Variants in RBFOX1 observed in about 807,000 individuals in gnomAD.
The protein encoded by RBFOX1 is RNA binding fox-1 homolog 1.
RBFOX1 carries 8 observed loss-of-function variants against 57.7 expected under a neutral mutation model. The ratio of observed to expected loss-of-function variants is 0.14; its 90% CI spans 0.08 to 0.25. The LOEUF (loss-of-function observed/expected upper bound fraction) is 0.25. Among genes scored for constraint, RBFOX1 ranks in the 10% least tolerant of loss-of-function variants. The pLI, the probability that RBFOX1 is intolerant of heterozygous loss-of-function variation, is 1.00. For synonymous variants in RBFOX1, 326 were observed against 222.4 expected (o/e 1.47, Z -4.15); for missense variants, 611 against 548.5 (o/e 1.11, Z -1.14).
At position 6,164,073 on chromosome 16, in the gene RBFOX1, C is replaced by A. The variant is rs192439393; in HGVS notation, c.-127+144081C>A. Among the ~76,000 whole-genome samples the A allele has an allele frequency of 5.8e-4, 89 of 152,248 alleles. No homozygotes were observed. The East Asian group carries it at 0.016, about 27-fold the overall frequency. ...AAAATTGCTGATAGAATTTTATTAACTTTAGTCCTCACGCTGTACTCAATG... is the reference window on the plus strand; with the variant it reads ...AAAATTGCTGATAGAATTTTATTAAATTTAGTCCTCACGCTGTACTCAATG... On this transcript the variant is annotated intron_variant, in intron 1 of 15. Transcript: ENST00000550418.
intron 4 of RBFOX1, among the ~76,000 whole-genome samples, chr16:7,114,512 G>A (rs17645509): frequency 0.29 from 44,681 of 152,146 alleles, 7,857 homozygotes; most frequent in Non-Finnish European, 0.39. Context: ...AAAATTAGCA[G>A]TGGAACATGG....
chr16:7,371,699 G>C (rs1283827155), intron 4 of RBFOX1, among the ~76,000 whole-genome samples: 1 of 152,124 alleles, frequency 6.6e-6, no homozygotes, highest in East Asian at 1.9e-4. Context: ...GCAGTGAGCT[G>C]AGATCACGCC....
chr16:6,089,272 A>G (rs1260358412), intron 1 of RBFOX1, among the ~76,000 whole-genome samples: 2 of 152,102 alleles, frequency 1.3e-5, no homozygotes, highest in Non-Finnish European at 2.9e-5. Context: ...GCTTCTTGTA[A>G]TGATTCAGCT....
chr16:6,847,375 A>T (rs1057007702), intron 3 of RBFOX1, among the ~76,000 whole-genome samples: 1 of 151,942 alleles, frequency 6.6e-6, no homozygotes, highest in Non-Finnish European at 1.5e-5. Flanking sequence ...AATCTGCCCT[A>T]TGTGTGCACA....
intron 5 of RBFOX1, among the ~76,000 whole-genome samples, chr16:7,526,806 AAGCAGAAT>A (rs1405394129): frequency 7.2e-5 from 11 of 152,210 alleles, no homozygotes. Context: ...CATGTTACAG[AAGCAGAAT>A]CTAAGGCAAA....
At chr16:7,484,503 C>T (rs751664969) in intron 4 of RBFOX1, among the ~76,000 whole-genome samples, 1 of 152,178 alleles carries the variant, frequency 6.6e-6, no homozygotes. Flanking sequence ...CACTCTGTCA[C>T]CCAGGCTGTA....
intron 3 of RBFOX1, among the ~76,000 whole-genome samples, chr16:5,682,409 G>A (rs919678747): frequency 6.6e-6 from 1 of 152,106 alleles, no homozygotes; most frequent in Non-Finnish European, 1.5e-5. Context: ...GAAAAAGAGG[G>A]TCACTCTACA....
At chr16:7,032,258 C>G (rs936251724) in intron 3 of RBFOX1, among the ~76,000 whole-genome samples, 1 of 151,968 alleles carries the variant, frequency 6.6e-6, no homozygotes, top group African/African-American at 2.4e-5. Context: ...AACCCCATCT[C>G]TACTAAAAAA....
chr16:6,435,960 G>T (rs1019157400), intron 2 of RBFOX1, among the ~76,000 whole-genome samples: 1 of 152,006 alleles, frequency 6.6e-6, no homozygotes, highest in Non-Finnish European at 1.5e-5. Context: ...GCATGTGATG[G>T]TTTTTCATTC....
intron 1 of RBFOX1, among the ~76,000 whole-genome samples, chr16:6,287,437 A>G (rs1165825902): frequency 6.6e-6 from 1 of 152,068 alleles, no homozygotes; most frequent in African/African-American, 2.4e-5. Context: ...TAGCCAATGG[A>G]TGTGTTTTGA....
intron 1 of RBFOX1, among the ~76,000 whole-genome samples, chr16:6,308,809 A>C (rs1319527190): frequency 6.6e-6 from 1 of 152,160 alleles, no homozygotes; most frequent in Non-Finnish European, 1.5e-5. Flanking sequence ...TCTTAGAAAA[A>C]TAGATATGGG....
Position 7,135,491 on chromosome 16 carries a change from G to A in RBFOX1, c.27+83393G>A, listed in dbSNP as rs143762620. 1.4e-3 allele frequency among the ~76,000 whole-genome samples: 218 copies of A among 152,330 alleles called. 2 individuals are homozygous for A. In the South Asian group the frequency reaches 0.02, roughly 14 times the overall value. Reference sequence around the variant, plus strand: ...ATTAAAGGGATCCGTGAATACTAAGGGGTGTGTTTTTGTAATGAGGAAAAA... The same window carrying A: ...ATTAAAGGGATCCGTGAATACTAAGAGGTGTGTTTTTGTAATGAGGAAAAA... On this transcript the variant is annotated intron_variant, in intron 4 of 15. Coordinates refer to ENST00000550418, the MANE Select transcript of RBFOX1 (RefSeq NM_018723.4).
Position 7,273,204 on chromosome 16 carries a change from CCCTTCCTTCCTTCCTTCCTT to C in RBFOX1, c.27+221146_27+221165del, listed in dbSNP as rs545705118. On this transcript the variant is annotated intron_variant, in intron 4 of 15. Coordinates refer to ENST00000550418, the MANE Select transcript of RBFOX1 (RefSeq NM_018723.4). ...TTCCTTCCTCCCTTCCTTCCTCCCT[CCCTTCCTTCCTTCCTTCCTT>C]CCTTCCTTCCTTCCTTCCTTCCTTC... 3.1e-4 allele frequency among the ~76,000 whole-genome samples: 11 copies of C among 35,172 alleles called. 1 individual carries two copies. Among genetic ancestry groups the C allele is most frequent in the African/African-American group, 1.2e-3 (9 of 7,578 alleles). The allele number at this position is 35,172 out of a possible 152,430, so 23.1% of individuals were successfully genotyped here.
chr16:6,000,541 C>G (rs918892148), intron 4 of RBFOX1, among the ~76,000 whole-genome samples: 2 of 152,122 alleles, frequency 1.3e-5, no homozygotes, highest in African/African-American at 4.8e-5. Flanking sequence ...GGCGAAAACT[C>G]TATGTTTTCC....
chr16:6,689,323 T>C (rs1053439198), intron 3 of RBFOX1, among the ~76,000 whole-genome samples: 28 of 152,188 alleles, frequency 1.8e-4, no homozygotes, highest in African/African-American at 6.5e-4. Context: ...GACTTTGAAA[T>C]ATAAGGAAGG....
At chr16:6,889,675 C>A (rs200493764) in intron 3 of RBFOX1, among the ~76,000 whole-genome samples, 1 of 152,174 alleles carries the variant, frequency 6.6e-6, no homozygotes, top group African/African-American at 2.4e-5. Context: ...CCATGTAGTC[C>A]AGCACCTAAT....
At chr16:6,666,417 C>T (rs768783648) in intron 3 of RBFOX1, among the ~76,000 whole-genome samples, 6 of 151,884 alleles carry the variant, frequency 4.0e-5, no homozygotes, top group Non-Finnish European at 8.8e-5. Context: ...CACCTATAAT[C>T]CTAGCCATGC....
chr16:6,316,190 A>G (rs1453512421), intron 1 of RBFOX1, among the ~76,000 whole-genome samples: 5 of 139,726 alleles, frequency 3.6e-5, no homozygotes, highest in African/African-American at 1.3e-4. Context: ...CCCCTTGGGT[A>G]TAGGATGCCG....
intron 1 of RBFOX1, among the ~76,000 whole-genome samples, chr16:6,126,861 C>A (rs904292693): frequency 6.6e-6 from 1 of 152,186 alleles, no homozygotes; most frequent in Admixed American, 6.5e-5. Context: ...ATGAGGCTTA[C>A]ACTCTCCTGA....
Sources: gnomAD v4.1 joint callset for allele counts (sites outside exome capture counted in the v4.1 genomes callset) on GRCh38, gnomAD v4.1.1 for gene constraint, MANE v1.5 for transcripts, NCBI Gene and HGNC (gene_info 2026-07-23, HGNC 2026-07-21) for gene names.